The following GYPC variants were observed in gnomAD, a reference collection of about 807,000 sequenced individuals.
The protein encoded by GYPC is glycophorin C (Gerbich blood group).
A neutral mutation model predicts 12.6 loss-of-function variants in GYPC; 14 were observed. The observed-to-expected ratio is 1.11, with a 90% CI of 0.74 to 1.74. The LOEUF (loss-of-function observed/expected upper bound fraction) is 1.74. Ranked by LOEUF, GYPC falls within the 40% of genes most tolerant of loss-of-function variation. GYPC has a pLI of 0.00. For synonymous variants in GYPC, 78 were observed against 62.1 expected (o/e 1.26, Z -1.20); for missense variants, 225 against 172.1 (o/e 1.31, Z -1.72).
At chr2:126,686,850 GC>G (rs1258670748) in intron 1 of GYPC, among the ~76,000 whole-genome samples, 4 of 152,014 alleles carry the variant, frequency 2.6e-5, no homozygotes, top group African/African-American at 4.8e-5. Flanking sequence ...CCCCAAGGCT[GC>G]CCGCAGATCA....
intron 1 of GYPC, among the ~76,000 whole-genome samples, chr2:126,661,627 T>G (rs1682539610): frequency 6.6e-6 from 1 of 152,160 alleles, no homozygotes; most frequent in Non-Finnish European, 1.5e-5. Context: ...TAATTTTGTA[T>G]TTTTAGTATA....
chr2:126,661,078 G>C (rs906279212), intron 1 of GYPC, among the ~76,000 whole-genome samples: 2 of 152,200 alleles, frequency 1.3e-5, no homozygotes, highest in African/African-American at 4.8e-5. Flanking sequence ...CTTAACCCAT[G>C]GCAGAAACTG....
chr2:126,689,764 A>G (rs1251724165), intron 1 of GYPC, among the ~76,000 whole-genome samples: 1 of 152,124 alleles, frequency 6.6e-6, no homozygotes, highest in African/African-American at 2.4e-5. Flanking sequence ...CAGCTGCCCA[A>G]TTTGGACTTC....
intron 1 of GYPC, among the ~76,000 whole-genome samples, chr2:126,670,949 T>C (rs1682836506): frequency 6.6e-6 from 1 of 152,224 alleles, no homozygotes; most frequent in African/African-American, 2.4e-5. Context: ...AACTATTTAC[T>C]GTCCAGCCCT....
At chr2:126,674,969 C>A (rs1449731329) in intron 1 of GYPC, among the ~76,000 whole-genome samples, 2 of 152,228 alleles carry the variant, frequency 1.3e-5, no homozygotes, top group African/African-American at 4.8e-5. Context: ...ATCTGAAAGT[C>A]AGATTTCACT....
intron 2 of GYPC, among the ~76,000 whole-genome samples, chr2:126,691,897 A>G (rs1417209391): frequency 6.6e-6 from 1 of 152,130 alleles, no homozygotes; most frequent in Non-Finnish European, 1.5e-5. Context: ...AGCTTCTATA[A>G]CCATCCATGC....
rs1683426368 is a variant in GYPC, at chr2:126,690,411, G to C, written c.106+100G>C. Reference sequence around the variant, plus strand: ...TTAAGCAGCCAGGGTTGGGGGACTTGGTGAAAACATCCAGGGGAGAACTGA... The same window carrying C: ...TTAAGCAGCCAGGGTTGGGGGACTTCGTGAAAACATCCAGGGGAGAACTGA... On this transcript the variant is annotated intron_variant, in intron 2 of 3. Coordinates refer to ENST00000259254, the MANE Select transcript of GYPC (RefSeq NM_002101.5). 15 of 898,568 alleles carry C rather than the reference G, an allele frequency of 1.7e-5. 1 individual carries two copies. Among genetic ancestry groups the C allele is most frequent in the Middle Eastern group, 4.5e-4 (2 of 4,490 alleles). 55.7% of individuals were successfully genotyped at this position (898,568 alleles called of 1,614,324 possible).
chr2:126,685,857 T>TG (rs2104799512), intron 1 of GYPC: 1 of 985,322 alleles, frequency 1.0e-6, no homozygotes, highest in Admixed American at 6.1e-5. Context: ...ATGAAACACC[T>TG]GCATTTCCTG....
chr2:126,677,969 CCCAG>C (rs1324064513), intron 1 of GYPC, among the ~76,000 whole-genome samples: 1 of 152,228 alleles, frequency 6.6e-6, no homozygotes, highest in African/African-American at 2.4e-5. Flanking sequence ...CGCCTGTAAT[CCCAG>C]CACTTTGGGA....
chr2:126,688,298 T>C (rs767133594), intron 1 of GYPC, among the ~76,000 whole-genome samples: 1 of 152,234 alleles, frequency 6.6e-6, no homozygotes, highest in Admixed American at 6.5e-5. Context: ...TAACCATCCA[T>C]GCCTACTTAA....
At chr2:126,671,963 A>C (rs574573367) in intron 1 of GYPC, among the ~76,000 whole-genome samples, 1 of 152,182 alleles carries the variant, frequency 6.6e-6, no homozygotes, top group Non-Finnish European at 1.5e-5. Context: ...TGATCCAGAC[A>C]TGGGGCCATC....
At chr2:126,693,702 G>T (rs1050186119) in intron 2 of GYPC, among the ~76,000 whole-genome samples, 162 bp from the exon 3 acceptor site, 1 of 152,168 alleles carries the variant, frequency 6.6e-6, no homozygotes, top group African/African-American at 2.4e-5. Flanking sequence ...CCTGGTCTGT[G>T]CATCCCTGCT....
intron 1 of GYPC, among the ~76,000 whole-genome samples, chr2:126,684,004 T>C (rs1275471749): frequency 6.6e-6 from 1 of 152,104 alleles, no homozygotes; most frequent in Non-Finnish European, 1.5e-5. Context: ...TCCAATTCTG[T>C]CATCGATGTG....
chr2:126,669,260 C>A (rs995250945), intron 1 of GYPC, among the ~76,000 whole-genome samples: 2 of 152,152 alleles, frequency 1.3e-5, no homozygotes, highest in African/African-American at 4.8e-5. Flanking sequence ...TCACTACGTG[C>A]GCAGTGTTGC....
At chr2:126,678,275 A>G (rs1368833514) in intron 1 of GYPC, 1 of 152,248 alleles carries the variant, frequency 6.6e-6, no homozygotes, top group Non-Finnish European at 1.5e-5. Flanking sequence ...AAAGAAAAAA[A>G]TAAATGCCCC....
At chr2:126,691,723 G>T (rs1683470892) in intron 2 of GYPC, among the ~76,000 whole-genome samples, 1 of 152,106 alleles carries the variant, frequency 6.6e-6, no homozygotes, top group Admixed American at 6.6e-5. Flanking sequence ...ATGTTAAATT[G>T]CTTTAAATGT....
At chr2:126,683,563 T>C (rs959091573) in intron 1 of GYPC, among the ~76,000 whole-genome samples, 1 of 152,240 alleles carries the variant, frequency 6.6e-6, no homozygotes, top group Non-Finnish European at 1.5e-5. Context: ...AAAGCACTCT[T>C]TCCTTTTACT....
At chr2:126,677,727 G>A (rs28369988) in intron 1 of GYPC, among the ~76,000 whole-genome samples, 5 of 152,192 alleles carry the variant, frequency 3.3e-5, no homozygotes, top group Admixed American at 1.3e-4. Context: ...ACGAGGGTCC[G>A]GGAGGGGTGC....
chr2:126,663,355 A>G (rs2016257), intron 1 of GYPC, among the ~76,000 whole-genome samples: 81,565 of 152,084 alleles, frequency 0.54, 23,116 homozygotes, highest in African/African-American at 0.72. Flanking sequence ...TTTTTATCCA[A>G]GAGTCAGCAC....
Sources: gnomAD v4.1 joint callset for allele counts (sites outside exome capture counted in the v4.1 genomes callset) on GRCh38, gnomAD v4.1.1 for gene constraint, MANE v1.5 for transcripts, NCBI Gene and HGNC (gene_info 2026-07-23, HGNC 2026-07-21) for gene names.